The following NSMAF variants were observed in gnomAD, a reference collection of about 807,000 sequenced individuals.
NSMAF encodes neutral sphingomyelinase activation associated factor, also known as protein FAN.
Under a neutral mutation model 134.9 loss-of-function variants are expected in NSMAF, and 90 were observed. The observed-to-expected ratio is 0.67, with a 90% CI of 0.56 to 0.79. The LOEUF is 0.79. NSMAF is among the 30% of genes least tolerant of loss of function. NSMAF has a pLI of 0.00. For missense variants in NSMAF, 1,010 were observed against 1,119.0 expected, an observed-to-expected ratio of 0.90 and a Z score of 1.39; for synonymous variants, 358 against 389.6, an observed-to-expected ratio of 0.92 and a Z score of 0.96.
At chr8:58,614,158 T>C (rs750163629) in intron 9 of NSMAF, among the ~76,000 whole-genome samples, 8 of 151,838 alleles carry the variant, frequency 5.3e-5, no homozygotes, top group Non-Finnish European at 1.2e-4. Context: ...TAAAGAAAAA[T>C]AAAATTAAAA....
At chr8:58,607,536 T>G (rs889648844) in intron 11 of NSMAF, among the ~76,000 whole-genome samples, 3 of 152,272 alleles carry the variant, frequency 2.0e-5, no homozygotes, top group Non-Finnish European at 4.4e-5. Flanking sequence ...CTAGCCCTCT[T>G]GCTCTTGGAG....
chr8:58,630,045 C>T (rs960426980), intron 6 of NSMAF, among the ~76,000 whole-genome samples: 3 of 152,204 alleles, frequency 2.0e-5, no homozygotes, highest in Non-Finnish European at 4.4e-5. Flanking sequence ...TTCTCTTTCC[C>T]TCTCCAGGGA....
chr8:58,630,730 C>T (rs896281520), intron 6 of NSMAF, among the ~76,000 whole-genome samples: 1 of 152,196 alleles, frequency 6.6e-6, no homozygotes, highest in Non-Finnish European at 1.5e-5. Flanking sequence ...GACTAATCAG[C>T]ACATGCAAGT....
chr8:58,637,450 C>T (rs1554577267), intron 2 of NSMAF: 2 of 455,486 alleles, frequency 4.4e-6, no homozygotes, highest in East Asian at 6.9e-5. Flanking sequence ...CACAAAGGTG[C>T]CCACTCTTAC....
At chr8:58,632,231 C>A (rs374606044) in intron 5 of NSMAF, among the ~76,000 whole-genome samples, 16 of 152,110 alleles carry the variant, frequency 1.1e-4, no homozygotes, top group African/African-American at 3.4e-4. Context: ...CACACACACA[C>A]CCCCACAAAC....
In NSMAF at chr8:58,638,733, T is replaced by A. The variant is rs972650871; in HGVS notation, c.150-3187A>T. 1.2e-4 allele frequency among the ~76,000 whole-genome samples: 18 copies of A among 152,204 alleles called. 1 individual carries two copies. In the East Asian group the frequency reaches 3.5e-3, roughly 29 times the overall value. On this transcript the variant is annotated intron_variant, in intron 2 of 30. Transcript: ENST00000038176. ...TGGTCTGGGCAGTATTTTGGATGAC[T>A]CCAAAAGCACAGGCAATATAAGCAA...
At chr8:58,606,795 C>T (rs541804625) in intron 11 of NSMAF, among the ~76,000 whole-genome samples, 2 of 152,146 alleles carry the variant, frequency 1.3e-5, no homozygotes, top group Non-Finnish European at 2.9e-5. Flanking sequence ...AGGAAGTTAA[C>T]CCCCGGAGTC....
At chr8:58,607,382 T>C (rs1806432783) in intron 11 of NSMAF, among the ~76,000 whole-genome samples, 2 of 152,222 alleles carry the variant, frequency 1.3e-5, no homozygotes, top group African/African-American at 4.8e-5. Flanking sequence ...AAAGAAGTAA[T>C]TTTGTAACAT....
rs1442014899 is a variant in NSMAF, at chr8:58,659,186, C to T, written c.59+387G>A. ...TAGAAAGGGGGTGCCCGCCGGGCAG[C>T]GTACTCACCCTCCCCTGCGAACGCC... On this transcript the variant is annotated intron_variant, in intron 1 of 30. Coordinates refer to ENST00000038176, the MANE Select transcript of NSMAF (RefSeq NM_003580.4). The T allele has an allele frequency of 6.3e-6, 9 of 1,420,002 alleles. No individual in the cohort carries two copies. The Admixed American group carries it at 9.0e-5, about 14-fold the overall frequency. 88.0% of individuals were successfully genotyped at this position (1,420,002 alleles called of 1,614,324 possible).
intron 9 of NSMAF, among the ~76,000 whole-genome samples, chr8:58,610,596 T>C (rs564832760): frequency 5.9e-5 from 9 of 152,174 alleles, no homozygotes; most frequent in East Asian, 3.9e-4. Flanking sequence ...ATGAACATGA[T>C]TGCAAAAAGG....
intron 1 of NSMAF, chr8:58,659,362 G>T (rs1198805240): frequency 3.3e-6 from 5 of 1,524,758 alleles, no homozygotes; most frequent in Non-Finnish European, 1.8e-6. Context: ...TCCTGTCCCC[G>T]GCAGGCTCCG....
At chr8:58,648,601 G>A (rs1210737370) in intron 1 of NSMAF, among the ~76,000 whole-genome samples, 1 of 152,168 alleles carries the variant, frequency 6.6e-6, no homozygotes, top group Non-Finnish European at 1.5e-5. Context: ...GGGCTTAGGG[G>A]GCCAAGCCCA....
At chr8:58,659,215 G>A in intron 1 of NSMAF, 1 of 1,463,728 alleles carries the variant, frequency 6.8e-7, no homozygotes, top group Admixed American at 2.4e-5. Flanking sequence ...GAACGCCCGG[G>A]CTCGCGTGCC....
At chr8:58,647,538 C>T (rs963146442) in intron 1 of NSMAF, among the ~76,000 whole-genome samples, 3 of 152,110 alleles carry the variant, frequency 2.0e-5, no homozygotes, top group Non-Finnish European at 2.9e-5. Context: ...GTGATTGGAT[C>T]ATGGGGGTAG....
intron 6 of NSMAF, among the ~76,000 whole-genome samples, chr8:58,624,895 T>C (rs181602009): frequency 1.3e-5 from 2 of 152,332 alleles, no homozygotes; most frequent in East Asian, 3.9e-4. Context: ...TTCAGTTCTA[T>C]CAATGTTCGC....
chr8:58,656,526 T>G (rs1448729721), intron 1 of NSMAF, among the ~76,000 whole-genome samples: 1 of 152,152 alleles, frequency 6.6e-6, no homozygotes, highest in Non-Finnish European at 1.5e-5. Context: ...TAATATACTT[T>G]TAAAAATTTT....
At chr8:58,635,410 A>G (rs1421998801) in intron 3 of NSMAF, 38 bp from the exon 4 acceptor site, 1 of 1,571,492 alleles carries the variant, frequency 6.4e-7, no homozygotes, top group Non-Finnish European at 8.6e-7. Context: ...AAAATCAAGA[A>G]AGGTAAGACA....
Position 58,659,759 on chromosome 8 carries a change from T to G in NSMAF, c.-128A>C. 1.5e-6 allele frequency: 1 copy of G among 664,294 alleles called. No homozygotes were observed. The allele number at this position is 664,294 out of a possible 1,614,324, so 41.1% of individuals were successfully genotyped here. ...GGGAGCGCGCGGCTGCCGGCCTGGC[T>G]TCCCCTGCGGCGCCGCTGGGCGGCC... On this transcript the variant is annotated 5_prime_UTR_variant, in exon 1 of 31. Coordinates refer to ENST00000038176, the MANE Select transcript of NSMAF (RefSeq NM_003580.4).
chr8:58,603,534 A>G, intron 12 of NSMAF, 148 bp from the exon 13 acceptor site: 1 of 685,308 alleles, frequency 1.5e-6, no homozygotes, highest in Non-Finnish European at 2.4e-6. Context: ...TTGTTTTCAT[A>G]AAGTATTTGT....
Sources: gnomAD v4.1 joint callset for allele counts (sites outside exome capture counted in the v4.1 genomes callset) on GRCh38, gnomAD v4.1.1 for gene constraint, MANE v1.5 for transcripts, NCBI Gene and HGNC (gene_info 2026-07-23, HGNC 2026-07-21) for gene names.